SMCHD1: variants seen among roughly 807,000 people sequenced by gnomAD.
The protein encoded by SMCHD1 is structural maintenance of chromosomes flexible hinge domain containing 1, also known as structural maintenance of chromosomes flexible hinge domain-containing protein 1.
SMCHD1 carries 78 observed loss-of-function variants against 254.7 expected under a neutral mutation model. The ratio of observed to expected loss-of-function variants is 0.31; its 90% confidence interval spans 0.26 to 0.37. The LOEUF is 0.37. SMCHD1 is among the 10% of genes least tolerant of loss of function. The pLI, the probability that SMCHD1 is intolerant of heterozygous loss-of-function variation, is 1.00. For missense variants in SMCHD1, 1,840 were observed against 2,408.1 expected, an observed-to-expected ratio of 0.76 and a Z score of 4.94; for synonymous variants, 766 against 794.9, an observed-to-expected ratio of 0.96 and a Z score of 0.61.
rs923021628 is a variant in SMCHD1, at chr18:2,803,172, G to C, written c.*620G>C. The C allele has an allele frequency of 2.1e-5, 3 of 141,286 alleles. No individual in the cohort carries two copies. The highest frequency in any genetic ancestry group is 7.6e-5 in the Admixed American group (1 of 13,210). The allele number at this position is 141,286 out of a possible 1,614,324, so 8.8% of individuals were successfully genotyped here. A position where few individuals can be genotyped will look rare whatever the true frequency, so the allele number is the denominator to read the frequency against. The stretch of plus-strand genomic sequence containing the variant: ...AGTGGTAGCATTTCAAATTTCAAAA[G>C]ACTTATCCTGTGTGTGTGTGTGTGT... On this transcript the variant is annotated 3_prime_UTR_variant, in exon 48 of 48. Coordinates refer to ENST00000320876, the MANE Select transcript of SMCHD1 (RefSeq NM_015295.3).
chr18:2,725,122 A>G, intron 21 of SMCHD1, 127 bp downstream of exon 21: 1 of 519,168 alleles, frequency 1.9e-6, no homozygotes, highest in Non-Finnish European at 3.2e-6. Context: ...TTGGGTTCTT[A>G]GGAATTTATC....
chr18:2,694,497 A>C, intron 7 of SMCHD1, 30 bp from the exon 8 acceptor site: 2 of 1,472,226 alleles, frequency 1.4e-6, no homozygotes, highest in Non-Finnish European at 1.8e-6. Context: ...TAGATGATTT[A>C]ATCTGTTGTA....
chr18:2,721,768 C>T (rs150771138), intron 19 of SMCHD1, among the ~76,000 whole-genome samples: 2 of 152,294 alleles, frequency 1.3e-5, no homozygotes, highest in Non-Finnish European at 2.9e-5. Flanking sequence ...TTGTGTACCT[C>T]TTCTAGCCAT....
At chr18:2,730,383 G>A (rs940915490) in intron 24 of SMCHD1, among the ~76,000 whole-genome samples, 1 of 152,054 alleles carries the variant, frequency 6.6e-6, no homozygotes, top group African/African-American at 2.4e-5. Flanking sequence ...TGTTAGCCAG[G>A]ATGGTCTCGA....
chr18:2,671,356 A>G (rs1358889889), intron 3 of SMCHD1, among the ~76,000 whole-genome samples: 1 of 152,200 alleles, frequency 6.6e-6, no homozygotes, highest in Admixed American at 6.5e-5. Flanking sequence ...TCATCATGCC[A>G]TCATTATGAA....
intron 39 of SMCHD1, among the ~76,000 whole-genome samples, chr18:2,770,841 G>C (rs7239597): frequency 1.4e-4 from 21 of 152,002 alleles, no homozygotes; most frequent in African/African-American, 2.7e-4. Context: ...GGCTGGTCTC[G>C]AACTTCTTAC....
In SMCHD1 at chr18:2,796,428, G is replaced by A. The variant is rs1300209215; in HGVS notation, c.5900G>A (p.Cys1967Tyr). Reference protein sequence around the residue: ...EKLGMTPIRKCNDSLRHSPKV... With the variant: ...EKLGMTPIRKYNDSLRHSPKV... ...ACAGGTATGACTCCCATACGTAAGT[G>A]TAATGACTCATTGCGTCATTCACCA... Residue 1967 changes from cysteine to tyrosine, a missense_variant, in exon 47 of 48, where the codon TGT becomes TAT. Transcript: ENST00000320876. 1 of 1,597,814 alleles carries A rather than the reference G, an allele frequency of 6.3e-7. No individual in the cohort carries two copies. The highest frequency in any genetic ancestry group is 8.5e-7 in the Non-Finnish European group (1 of 1,171,204).
intron 1 of SMCHD1, among the ~76,000 whole-genome samples, chr18:2,664,438 T>C (rs2073381562): frequency 6.6e-6 from 1 of 152,214 alleles, no homozygotes; most frequent in Non-Finnish European, 1.5e-5. Context: ...TTAGTTTTCC[T>C]GCAGTTGACC....
chr18:2,749,083 A>T (rs894637676), intron 30 of SMCHD1, among the ~76,000 whole-genome samples: 1 of 152,212 alleles, frequency 6.6e-6, no homozygotes, highest in Non-Finnish European at 1.5e-5. Flanking sequence ...CTAAGACCTG[A>T]AAAGACTTAC....
chr18:2,688,379 A>G lies in SMCHD1; in HGVS notation c.639-15A>G. The G allele has an allele frequency of 6.4e-7, 1 of 1,557,360 alleles. No individual in the cohort carries two copies. The highest frequency in any genetic ancestry group is 8.9e-7 in the Non-Finnish European group (1 of 1,128,814). On this transcript the variant is annotated splice_polypyrimidine_tract_variant and intron_variant, in intron 5 of 47. Coordinates refer to ENST00000320876, the MANE Select transcript of SMCHD1 (RefSeq NM_015295.3). ...CTAGCTTGTTTAAAATCACTGCATT[A>G]ATGTTTTATTTTAGTGATCATTCAG...
At chr18:2,772,170 A>G (rs2143751329) in intron 40 of SMCHD1, 80 bp from the exon 41 acceptor site, 1 of 1,208,892 alleles carries the variant, frequency 8.3e-7, no homozygotes, top group Non-Finnish European at 1.1e-6. Context: ...CTAAATTGTT[A>G]ATTTTTCTCC....
rs760266416 is a variant in SMCHD1 at position 2,778,218 on chromosome 18, G to A, written c.5526G>A (p.Ala1842=). The change falls in exon 44 of 48, where the codon GCG becomes GCA. Residue 1842 remains alanine (A), a synonymous_variant. Transcript: ENST00000320876. ...GDTIILDNLD[A]ANHYRKEVVK... Reference sequence around the variant, plus strand: ...CCATTATTTTGGATAATCTGGATGCGGCCAATCATTATAGAAAAGAGGTAT... The same window carrying A: ...CCATTATTTTGGATAATCTGGATGCAGCCAATCATTATAGAAAAGAGGTAT... 39 of 1,608,452 alleles carry A rather than the reference G, an allele frequency of 2.4e-5. No individual in the cohort carries two copies. The highest frequency in any genetic ancestry group is 6.7e-5 in the African/African-American group (5 of 74,722).
chr18:2,661,071 C>T (rs966775440), intron 1 of SMCHD1, among the ~76,000 whole-genome samples: 11 of 152,134 alleles, frequency 7.2e-5, no homozygotes, highest in African/African-American at 2.7e-4. Context: ...AGCAAACTAA[C>T]ACAGGAACAG....
At chr18:2,793,683 T>G (rs1287317646) in intron 45 of SMCHD1, among the ~76,000 whole-genome samples, 6 of 127,892 alleles carry the variant, frequency 4.7e-5, no homozygotes, top group African/African-American at 1.7e-4. Context: ...AAAGAAAACA[T>G]TGCTTTAATG....
intron 4 of SMCHD1, 72 bp from the exon 5 acceptor site, chr18:2,673,943 C>G: frequency 2.1e-6 from 3 of 1,423,580 alleles, no homozygotes; most frequent in Middle Eastern, 1.8e-4. Flanking sequence ...TCATTTTTTT[C>G]ATGTTTAACT....
intron 45 of SMCHD1, among the ~76,000 whole-genome samples, chr18:2,794,230 A>G (rs1005135649): frequency 6.6e-6 from 1 of 152,204 alleles, no homozygotes; most frequent in African/African-American, 2.4e-5. Flanking sequence ...CAAGATGGTT[A>G]GATCGCTTAA....
intron 34 of SMCHD1, among the ~76,000 whole-genome samples, chr18:2,757,324 C>A (rs781746169): frequency 7.9e-5 from 12 of 152,124 alleles, no homozygotes; most frequent in Non-Finnish European, 1.3e-4. Flanking sequence ...AATCCTCCCA[C>A]CTTAGTCTCC....
At chr18:2,693,818 A>G (rs192147237) in intron 7 of SMCHD1, among the ~76,000 whole-genome samples, 1 of 152,180 alleles carries the variant, frequency 6.6e-6, no homozygotes, top group Non-Finnish European at 1.5e-5. Context: ...TTAAGTAGAG[A>G]TGGGGTTTCG....
intron 5 of SMCHD1, among the ~76,000 whole-genome samples, chr18:2,680,912 C>G (rs1598304865): frequency 6.6e-6 from 1 of 152,098 alleles, no homozygotes; most frequent in Non-Finnish European, 1.5e-5. Flanking sequence ...TGGAAGTGTT[C>G]ACTCGTTTAC....
Sources: allele counts gnomAD v4.1 joint callset (sites outside exome capture counted in the v4.1 genomes callset), GRCh38; gene constraint gnomAD v4.1.1; transcripts MANE v1.5; gene names NCBI Gene and HGNC (gene_info 2026-07-23, HGNC 2026-07-21).